Variants in TSHZ3 observed in about 807,000 individuals in gnomAD.
TSHZ3 encodes the protein teashirt homolog 3.
In TSHZ3, 10 loss-of-function variants were observed where a neutral mutation model predicts 64.5. The ratio of observed to expected loss-of-function variants is 0.16; its 90% confidence interval spans 0.10 to 0.26. The LOEUF is 0.26. Ranked by LOEUF, TSHZ3 falls within the 10% of genes least tolerant of loss-of-function variation. TSHZ3 has a pLI of 1.00. For synonymous variants in TSHZ3, 608 were observed against 593.1 expected (o/e 1.03, Z -0.36); for missense variants, 1,242 against 1,421.7 (o/e 0.87, Z 2.03).
At chr19:31,332,123 C>T (rs1368623239) in intron 1 of TSHZ3, among the ~76,000 whole-genome samples, 2 of 152,170 alleles carry the variant, frequency 1.3e-5, no homozygotes, top group Non-Finnish European at 2.9e-5. Context: ...ACAGGCAAAA[C>T]CTAGGCTGAT....
At chr19:31,259,420 A>G (rs946369170) in intron 1 of TSHZ3, among the ~76,000 whole-genome samples, 16 of 152,152 alleles carry the variant, frequency 1.1e-4, no homozygotes, top group African/African-American at 3.6e-4. Context: ...ATGTTACCCC[A>G]TAACAGTCTT....
At chr19:31,167,880 C>A (rs1387049095) in intron 5 of TSHZ3, 2 of 151,924 alleles carry the variant, frequency 1.3e-5, no homozygotes, top group Non-Finnish European at 2.9e-5. Flanking sequence ...CCCTTTAGAA[C>A]ACGCAGAGGC....
chr19:31,348,954 G>C lies in TSHZ3; in HGVS notation c.40+226C>G, dbSNP rs544950669. The C allele has an allele frequency of 4.3e-5, 22 of 513,482 alleles. No individual in the cohort carries two copies. In the South Asian group the frequency reaches 6.6e-4, roughly 15 times the overall value. The allele number at this position is 513,482 out of a possible 1,614,324, so 31.8% of individuals were successfully genotyped here. A position where few individuals can be genotyped will look rare whatever the true frequency, so the allele number is the denominator to read the frequency against. On this transcript the variant is annotated intron_variant, in intron 1 of 1. Coordinates refer to ENST00000240587, the MANE Select transcript of TSHZ3 (RefSeq NM_020856.4). Reference sequence around the variant, plus strand: ...GCGCGGCTCAGCGCGCTCCGCGAGCGGCTCCCCAAATGGGTGCGAGAGGGA... The same window carrying C: ...GCGCGGCTCAGCGCGCTCCGCGAGCCGCTCCCCAAATGGGTGCGAGAGGGA...
chr19:31,299,052 G>A lies in TSHZ3; in HGVS notation c.41-19300C>T, dbSNP rs546876731. Among the ~76,000 whole-genome samples, 10 of 152,240 alleles carry A rather than the reference G, an allele frequency of 6.6e-5. No homozygotes were observed. The South Asian group carries it at 8.3e-4, about 13-fold the overall frequency. The stretch of plus-strand genomic sequence containing the variant: ...TCTACTAAAGGTACGAAAATTAGCC[G>A]GGCGTGGTAGCGGGCGCCTGTAGTC... On this transcript the variant is annotated intron_variant, in intron 1 of 1. Transcript: ENST00000240587.
intron 6 of TSHZ3, among the ~76,000 whole-genome samples, chr19:31,152,459 G>A (rs1974254469): frequency 6.6e-6 from 1 of 152,242 alleles, no homozygotes; most frequent in East Asian, 1.9e-4. Flanking sequence ...GAAAAGAAAG[G>A]AAGAAGAATA....
At chr19:31,160,473 T>G (rs1483630457) in intron 5 of TSHZ3, among the ~76,000 whole-genome samples, 1 of 152,200 alleles carries the variant, frequency 6.6e-6, no homozygotes, top group Non-Finnish European at 1.5e-5. Context: ...CTGGATACTC[T>G]GTCTTGAGGC....
At chr19:31,326,866 C>T (rs979523130) in intron 1 of TSHZ3, among the ~76,000 whole-genome samples, 2 of 152,232 alleles carry the variant, frequency 1.3e-5, no homozygotes, top group Admixed American at 6.5e-5. Context: ...CCAAGTCTCA[C>T]GCAGCCTTCG....
At chr19:31,321,302 G>T (rs1292600847) in intron 1 of TSHZ3, among the ~76,000 whole-genome samples, 1 of 152,264 alleles carries the variant, frequency 6.6e-6, no homozygotes, top group Non-Finnish European at 1.5e-5. Flanking sequence ...ATGGGAGACA[G>T]GCAGGGCTGG....
intron 5 of TSHZ3, among the ~76,000 whole-genome samples, chr19:31,168,508 T>C (rs779430715): frequency 7.9e-5 from 12 of 152,128 alleles, no homozygotes; most frequent in Non-Finnish European, 1.5e-4. Context: ...AAGCTAGAAA[T>C]TGGAGAGAGC....
chr19:31,207,101 C>T (rs1445264534), intron 4 of TSHZ3, among the ~76,000 whole-genome samples: 3 of 152,098 alleles, frequency 2.0e-5, no homozygotes, highest in South Asian at 2.1e-4. Context: ...CTGGAGCAGG[C>T]GAGAGACCAT....
At chr19:31,310,604 G>T (rs1916431829) in intron 1 of TSHZ3, among the ~76,000 whole-genome samples, 1 of 152,106 alleles carries the variant, frequency 6.6e-6, no homozygotes, top group African/African-American at 2.4e-5. Context: ...AGGGAAAGGG[G>T]TGGGCAGAGT....
intron 3 of TSHZ3, among the ~76,000 whole-genome samples, chr19:31,228,895 G>A (rs1975505810): frequency 1.3e-5 from 2 of 152,116 alleles, no homozygotes; most frequent in South Asian, 2.1e-4. Flanking sequence ...GCACTACCTC[G>A]CCACTCTAAT....
intron 1 of TSHZ3, among the ~76,000 whole-genome samples, chr19:31,300,287 A>C (rs1167117890): frequency 6.6e-6 from 1 of 152,236 alleles, no homozygotes; most frequent in Non-Finnish European, 1.5e-5. Context: ...ATTGAGATAG[A>C]TTAAAGAACT....
intron 5 of TSHZ3, among the ~76,000 whole-genome samples, chr19:31,172,551 C>G (rs1974549644): frequency 6.6e-6 from 1 of 152,208 alleles, no homozygotes; most frequent in South Asian, 2.1e-4. Flanking sequence ...CAGCAGAGAA[C>G]ACACGCCAAC....
intron 5 of TSHZ3, among the ~76,000 whole-genome samples, chr19:31,163,538 C>A (rs1460714809): frequency 6.6e-6 from 1 of 152,078 alleles, no homozygotes; most frequent in African/African-American, 2.4e-5. Context: ...TTGAGATCAG[C>A]CTGGCCAACA....
At chr19:31,320,089 G>A (rs1244417861) in intron 1 of TSHZ3, among the ~76,000 whole-genome samples, 2 of 152,156 alleles carry the variant, frequency 1.3e-5, no homozygotes, top group African/African-American at 4.8e-5. Context: ...GGTTACATCT[G>A]ATCTATACAG....
At chr19:31,349,749 C>T, upstream of TSHZ3, among the ~76,000 whole-genome samples, 1 of 148,044 alleles carries the variant, frequency 6.8e-6, no homozygotes, top group Non-Finnish European at 1.5e-5. Flanking sequence ...CCGGGGGTCA[C>T]GGCATCCGGG....
chr19:31,179,571 C>G (rs56405536), intron 5 of TSHZ3, among the ~76,000 whole-genome samples: 100,466 of 151,896 alleles, frequency 0.66, 34,274 homozygotes, highest in African/African-American at 0.83. Context: ...GATGATGGTG[C>G]TGGTAACAGT....
intron 3 of TSHZ3, among the ~76,000 whole-genome samples, chr19:31,231,707 T>A (rs1975542423): frequency 6.6e-6 from 1 of 152,156 alleles, no homozygotes; most frequent in Non-Finnish European, 1.5e-5. Flanking sequence ...AGTTAAAACA[T>A]TCAGCTGCTT....
Sources: allele counts gnomAD v4.1 joint callset (sites outside exome capture counted in the v4.1 genomes callset), GRCh38; gene constraint gnomAD v4.1.1; transcripts MANE v1.5; gene names NCBI Gene and HGNC (gene_info 2026-07-23, HGNC 2026-07-21).